ITGB5: variants seen among roughly 807,000 people sequenced by gnomAD.
ITGB5 encodes integrin subunit beta 5.
ITGB5 carries 38 observed loss-of-function variants against 84.8 expected under a neutral mutation model. The ratio of observed to expected loss-of-function variants is 0.45; its 90% CI spans 0.35 to 0.59. The LOEUF is 0.59. Among genes scored for constraint, ITGB5 ranks in the 20% least tolerant of loss-of-function variants. The pLI, the probability that ITGB5 is intolerant of heterozygous loss-of-function variation, is 0.01. For missense variants in ITGB5, 905 were observed against 1,034.5 expected (o/e 0.87, Z 1.72); for synonymous variants, 393 against 414.4 (o/e 0.95, Z 0.63).
intron 7 of ITGB5, 22 bp downstream of exon 7, chr3:124,819,717 G>T: frequency 3.9e-6 from 6 of 1,550,100 alleles, no homozygotes; most frequent in Non-Finnish European, 5.3e-6. Context: ...CAAATCACTA[G>T]CCTCCCTCCC....
At chr3:124,857,403 G>A (rs772589351) in intron 3 of ITGB5, 16 of 152,178 alleles carry the variant, frequency 1.1e-4, no homozygotes, top group Non-Finnish European at 2.2e-4. Flanking sequence ...AGGAACAAAG[G>A]TGACAAAGAC....
chr3:124,862,407 T>A (rs1259958724), intron 2 of ITGB5: 1 of 152,214 alleles, frequency 6.6e-6, no homozygotes, highest in Non-Finnish European at 1.5e-5. Flanking sequence ...GTTTGGTCAA[T>A]GAGATGATCC....
At chr3:124,898,218 C>CT (rs11378220) in intron 1 of ITGB5, among the ~76,000 whole-genome samples, 91,931 of 145,110 alleles carry the variant, frequency 0.63, 28,644 homozygotes, top group East Asian at 0.75. Flanking sequence ...GCTTTGAGGT[C>CT]TTTTTTTTTT....
intron 6 of ITGB5, among the ~76,000 whole-genome samples, chr3:124,820,590 C>T (rs928225185): frequency 2.0e-5 from 3 of 152,052 alleles, no homozygotes; most frequent in Non-Finnish European, 2.9e-5. Flanking sequence ...ATGGGCTTCT[C>T]TAAGGAAGAA....
chr3:124,778,201 A>G (rs1315879402), intron 10 of ITGB5, among the ~76,000 whole-genome samples: 1 of 152,268 alleles, frequency 6.6e-6, no homozygotes, highest in Non-Finnish European at 1.5e-5. Context: ...TCCCTGTGCA[A>G]GCTGTGAACT....
intron 10 of ITGB5, among the ~76,000 whole-genome samples, chr3:124,795,377 T>C (rs1359476295): frequency 6.6e-6 from 1 of 151,852 alleles, no homozygotes. Flanking sequence ...TAATCCCAGC[T>C]ACTCGGGAGT....
chr3:124,823,263 T>TA (rs1455228537), intron 5 of ITGB5, among the ~76,000 whole-genome samples: 1 of 151,118 alleles, frequency 6.6e-6, no homozygotes, highest in Non-Finnish European at 1.5e-5. Flanking sequence ...ATCCTGTCTG[T>TA]AAAAAAATAA....
rs1397868950 is a variant in ITGB5, at chr3:124,873,432, C to G, written c.156+14G>C. 1 of 1,590,944 alleles carries G rather than the reference C, an allele frequency of 6.3e-7. No individual in the cohort carries two copies. Among genetic ancestry groups the G allele is most frequent in the South Asian group, 1.1e-5 (1 of 90,594 alleles). The stretch of plus-strand genomic sequence containing the variant: ...CATTCCTTCCCTTCTTCCTCCCCTC[C>G]CCCACCTACATACCTCTTTGGAGCA... On this transcript the variant is annotated intron_variant, in intron 2 of 14. Transcript: ENST00000296181.
intron 3 of ITGB5, among the ~76,000 whole-genome samples, chr3:124,852,107 C>A (rs1160775273): frequency 6.6e-6 from 1 of 152,154 alleles, no homozygotes; most frequent in African/African-American, 2.4e-5. Context: ...TAAAAACACC[C>A]GAGACTTTAA....
chr3:124,764,044 G>T (rs1043322912), intron 14 of ITGB5, among the ~76,000 whole-genome samples: 2 of 152,186 alleles, frequency 1.3e-5, no homozygotes, highest in African/African-American at 4.8e-5. Flanking sequence ...AGTCTGCCTG[G>T]GGTGACCAGA....
At chr3:124,865,291 G>C (rs780083213) in intron 2 of ITGB5, among the ~76,000 whole-genome samples, 4 of 152,018 alleles carry the variant, frequency 2.6e-5, no homozygotes, top group African/African-American at 4.8e-5. Flanking sequence ...ACCCAAGCAA[G>C]AAGGATGGGC....
At chr3:124,863,918 T>C (rs1228949149) in intron 2 of ITGB5, among the ~76,000 whole-genome samples, 1 of 147,116 alleles carries the variant, frequency 6.8e-6, no homozygotes, top group East Asian at 2.0e-4. Context: ...CTTCCAGGTA[T>C]ACAAACATTA....
rs1056259747 is a variant in ITGB5 at position 124,887,344 on chromosome 3, C to G, written c.-344G>C. On this transcript the variant is annotated 5_prime_UTR_variant, in exon 1 of 15. Transcript: ENST00000296181. Reference sequence around the variant, plus strand: ...CCGAGACGCGCCCAGCGCCGAGACTCCCCCGCGCGCCGGCACACTCTGCCC... The same window carrying G: ...CCGAGACGCGCCCAGCGCCGAGACTGCCCCGCGCGCCGGCACACTCTGCCC... 1 of 154,346 alleles carries G rather than the reference C, an allele frequency of 6.5e-6. No homozygotes were observed. Among genetic ancestry groups the G allele is most frequent in the Admixed American group, 6.5e-5 (1 of 15,304 alleles). The allele number at this position is 154,346 out of a possible 1,614,324, so 9.6% of individuals were successfully genotyped here. A position where few individuals can be genotyped will look rare whatever the true frequency, so the allele number is the denominator to read the frequency against.
rs185989988 is a variant in ITGB5, at chr3:124,822,059, C to T, written c.781-585G>A. The stretch of plus-strand genomic sequence containing the variant: ...ACCATTCCAATTGTTATTTGAGCCA[C>T]ATTGGTAGTTAAAGTCAATCAGATC... On this transcript the variant is annotated intron_variant, in intron 5 of 14. Transcript: ENST00000296181. Among the ~76,000 whole-genome samples, 471 of 150,080 alleles carry T rather than the reference C, an allele frequency of 3.1e-3. 11 individuals are homozygous for T. Among genetic ancestry groups the T allele is most frequent in the Non-Finnish European group, 4.5e-4 (30 of 66,944 alleles).
chr3:124,835,167 G>A (rs1161155471), intron 5 of ITGB5, among the ~76,000 whole-genome samples: 2 of 151,922 alleles, frequency 1.3e-5, no homozygotes, highest in African/African-American at 2.4e-5. Context: ...ACTCTCCCAC[G>A]TGCCCTGTTC....
intron 10 of ITGB5, among the ~76,000 whole-genome samples, chr3:124,778,969 T>A (rs1453524374): frequency 1.3e-5 from 2 of 152,134 alleles, no homozygotes; most frequent in Non-Finnish European, 2.9e-5. Context: ...CTGGGTCACC[T>A]TGGGCAGGTC....
intron 5 of ITGB5, among the ~76,000 whole-genome samples, chr3:124,833,944 G>A (rs1389194900): frequency 6.6e-6 from 1 of 152,186 alleles, no homozygotes; most frequent in Non-Finnish European, 1.5e-5. Flanking sequence ...CCTGGAGCCA[G>A]GGCATCCTGA....
chr3:124,838,801 C>A lies in ITGB5; in HGVS notation c.780+2582G>T, dbSNP rs189969002. 7.2e-3 allele frequency among the ~76,000 whole-genome samples: 1,103 copies of A among 152,254 alleles called. 15 individuals carry two copies. Among genetic ancestry groups the A allele is most frequent in the Middle Eastern group, 0.051 (15 of 294 alleles). On this transcript the variant is annotated intron_variant, in intron 5 of 14. Transcript: ENST00000296181. Reference sequence around the variant, plus strand: ...TATTTTTAGTAGAGACGGGGTTTCACCGCGTTAGCCAGGATGGTCTCGATC... The same window carrying A: ...TATTTTTAGTAGAGACGGGGTTTCAACGCGTTAGCCAGGATGGTCTCGATC...
chr3:124,771,609 G>A (rs2063845014), intron 11 of ITGB5, among the ~76,000 whole-genome samples: 1 of 151,954 alleles, frequency 6.6e-6, no homozygotes, highest in African/African-American at 2.4e-5. Flanking sequence ...TTAGCCAGGT[G>A]TGGTGGTACA....
Sources: allele counts gnomAD v4.1 joint callset (sites outside exome capture counted in the v4.1 genomes callset), GRCh38; gene constraint gnomAD v4.1.1; transcripts MANE v1.5; gene names NCBI Gene and HGNC (gene_info 2026-07-23, HGNC 2026-07-21).